ZNF69: variants seen among roughly 807,000 people sequenced by gnomAD.
ZNF69 encodes ZNF3.
A neutral mutation model predicts 50.9 loss-of-function variants in ZNF69; 47 were observed. That is an observed-to-expected ratio of 0.92 (90% confidence interval 0.73 to 1.18). The LOEUF is 1.18. ZNF69 is among the 50% of genes most tolerant of loss of function. The pLI is 0.00. For missense variants in ZNF69, 717 were observed against 675.1 expected (o/e 1.06, Z -0.69); for synonymous variants, 216 against 223.1 (o/e 0.97, Z 0.29).
the ZNF69 span, among the ~76,000 whole-genome samples, chr19:11,932,628 A>G: frequency 7.2e-6 from 1 of 138,202 alleles, no homozygotes; most frequent in Non-Finnish European, 1.5e-5. Flanking sequence ...ATGCAAACCA[A>G]TATGTGATTT....
chr19:11,965,272 C>T, the ZNF69 span: 1 of 1,610,740 alleles, frequency 6.2e-7, no homozygotes, highest in Non-Finnish European at 8.5e-7. Context: ...CCGGCCGGAA[C>T]CGGCTGCGGC....
the ZNF69 span, among the ~76,000 whole-genome samples, chr19:11,945,520 T>C: frequency 6.6e-6 from 1 of 152,126 alleles, no homozygotes; most frequent in Non-Finnish European, 1.5e-5. Flanking sequence ...CCTGGATTCC[T>C]TCAAGAGCTT....
At chr19:11,938,988 A>T in the ZNF69 span, among the ~76,000 whole-genome samples, 3 of 152,038 alleles carry the variant, frequency 2.0e-5, no homozygotes, top group African/African-American at 7.2e-5. Flanking sequence ...GATGATGAGC[A>T]TTTTTCCATG....
chr19:11,906,125 C>G lies in ZNF69; in HGVS notation c.*27C>G. Reference sequence around the variant, plus strand: ...GGAAAGCCTTCAGATCTGCCTCACACCTTTGAATGCATGGTAGGACACACA... The same window carrying G: ...GGAAAGCCTTCAGATCTGCCTCACAGCTTTGAATGCATGGTAGGACACACA... On this transcript the variant is annotated 3_prime_UTR_variant, in exon 4 of 4. Transcript: ENST00000429654. 1 of 1,602,018 alleles carries G rather than the reference C, an allele frequency of 6.2e-7. No homozygotes were observed. Among genetic ancestry groups the G allele is most frequent in the Non-Finnish European group, 8.5e-7 (1 of 1,176,388 alleles).
the ZNF69 span, among the ~76,000 whole-genome samples, chr19:11,974,064 C>CT: frequency 4.2e-5 from 6 of 142,518 alleles, no homozygotes; most frequent in East Asian, 2.0e-4. Context: ...TTCTTTCCTT[C>CT]TTTCTTTTCT....
the ZNF69 span, among the ~76,000 whole-genome samples, chr19:11,931,356 G>A: frequency 3.4e-5 from 5 of 147,984 alleles, 1 homozygote; most frequent in African/African-American, 1.3e-4. Context: ...CGGCTCTCCT[G>A]TGTCTTCTTA....
At chr19:11,888,304 G>A (rs1286467758) in intron 1 of ZNF69, among the ~76,000 whole-genome samples, 3 of 152,350 alleles carry the variant, frequency 2.0e-5, no homozygotes, top group Admixed American at 6.5e-5. Context: ...TCCCGACTCG[G>A]GTGTGGGGTT....
At position 11,887,928 on chromosome 19, in the gene ZNF69, C is replaced by G. The variant is rs761627853; in HGVS notation, c.5C>G (p.Pro2Arg). ...TGTCACTCTGTCACCTACGCTATGC[C>G]CTGCTGTAGTCACAGGAGGTGTAGA... is the stretch of plus-strand genomic sequence containing the variant. M[P>R]CCSHRRCRED... Residue 2 changes from proline (P) to arginine (R), a missense_variant, in exon 1 of 4, where the codon CCC (proline) becomes CGC (arginine). Coordinates refer to ENST00000429654, the MANE Select transcript of ZNF69 (RefSeq NM_001364730.1). 6.2e-7 allele frequency: 1 copy of G among 1,612,102 alleles called. No homozygotes were observed. Among genetic ancestry groups the G allele is most frequent in the South Asian group, 1.1e-5 (1 of 91,064 alleles).
At chr19:11,938,745 G>A in the ZNF69 span, among the ~76,000 whole-genome samples, 1 of 152,186 alleles carries the variant, frequency 6.6e-6, no homozygotes, top group Non-Finnish European at 1.5e-5. Flanking sequence ...ATACCCAGTA[G>A]TGGGATGGCT....
At chr19:11,950,723 TAAG>T in the ZNF69 span, 26 of 203,186 alleles carry the variant, frequency 1.3e-4, no homozygotes, top group South Asian at 4.4e-4. Context: ...TCTTTTTAAA[TAAG>T]AAGGTATAAT....
chr19:11,962,474 C>T, the ZNF69 span, among the ~76,000 whole-genome samples: 2 of 152,166 alleles, frequency 1.3e-5, no homozygotes, highest in Admixed American at 6.5e-5. Flanking sequence ...GATCCTCCTG[C>T]CTTAGCCTCC....
chr19:11,964,090 C>T, the ZNF69 span, among the ~76,000 whole-genome samples: 1 of 152,210 alleles, frequency 6.6e-6, no homozygotes, highest in Admixed American at 6.5e-5. Context: ...CCAGTGACTC[C>T]ACGCCGAGGC....
chr19:11,947,245 T>A, the ZNF69 span: 2 of 1,614,080 alleles, frequency 1.2e-6, no homozygotes, highest in Non-Finnish European at 1.7e-6. Context: ...TTGCTGGATA[T>A]TTCCCAGAAG....
the ZNF69 span, chr19:11,925,284 G>T: frequency 1.2e-5 from 19 of 1,611,438 alleles, no homozygotes; most frequent in Non-Finnish European, 1.6e-5. Flanking sequence ...GTGCGTGTGC[G>T]GGACCAGATG....
the ZNF69 span, among the ~76,000 whole-genome samples, chr19:11,943,175 C>G: frequency 6.6e-6 from 1 of 152,160 alleles, no homozygotes; most frequent in Non-Finnish European, 1.5e-5. Context: ...TTTCCAAATA[C>G]AGATTTAGGA....
the ZNF69 span, among the ~76,000 whole-genome samples, chr19:11,945,682 G>T: frequency 2.0e-5 from 3 of 152,078 alleles, no homozygotes; most frequent in African/African-American, 7.2e-5. Context: ...CTTATCTCTT[G>T]ACCTGGCTCG....
chr19:11,979,792 CTA>C, the ZNF69 span: 1 of 1,577,390 alleles, frequency 6.3e-7, no homozygotes, highest in Non-Finnish European at 8.7e-7. Flanking sequence ...GAGAGAAACC[CTA>C]TGAGTGTAAG....
At chr19:11,976,837 A>C in the ZNF69 span, 1 of 1,406,358 alleles carries the variant, frequency 7.1e-7, no homozygotes, top group Non-Finnish European at 9.2e-7. Flanking sequence ...CTGGGCAACA[A>C]GTTGTTGTTT....
At chr19:11,974,106 TTTCTTTCTTTCTTTCTTTCTTTTC>T in the ZNF69 span, among the ~76,000 whole-genome samples, 8 of 102,352 alleles carry the variant, frequency 7.8e-5, no homozygotes, top group African/African-American at 2.2e-4. Flanking sequence ...TCTTTCTTTC[TTTCTTTCTTTCTTTCTTTCTTTTC>T]TTTCTTTCTT....
Sources: gnomAD v4.1 joint callset for allele counts (sites outside exome capture counted in the v4.1 genomes callset) on GRCh38, gnomAD v4.1.1 for gene constraint, MANE v1.5 for transcripts, NCBI Gene and HGNC (gene_info 2026-07-23, HGNC 2026-07-21) for gene names.